Variants in PLCB4 observed in about 807,000 individuals in gnomAD.
The protein encoded by PLCB4 is phospholipase C beta 4, also known as 1-phosphatidylinositol 4,5-bisphosphate phosphodiesterase beta-4.
A neutral mutation model predicts 178.8 loss-of-function variants in PLCB4; 77 were observed. The observed-to-expected ratio is 0.43, with a 90% CI of 0.36 to 0.52. The LOEUF (loss-of-function observed/expected upper bound fraction) is 0.52. Ranked by LOEUF, PLCB4 falls within the 20% of genes least tolerant of loss-of-function variation. The probability of loss-of-function intolerance (pLI) is 0.00; values close to 1 mark genes in which losing one functional copy is unlikely to be tolerated. For synonymous variants in PLCB4, 496 were observed against 490.8 expected (o/e 1.01, Z -0.14); for missense variants, 1,024 against 1,453.4 (o/e 0.70, Z 4.80).
At chr20:9,269,523 G>GA in intron 3 of PLCB4, among the ~76,000 whole-genome samples, 1 of 152,254 alleles carries the variant, frequency 6.6e-6, no homozygotes, top group East Asian at 1.9e-4. Context: ...GAGTGCTACT[G>GA]AAAAATCTGG....
chr20:9,114,138 C>T lies in PLCB4; in HGVS notation c.-79+17796C>T, dbSNP rs549224930. ...CTGATGCAGGAGAATTGCTTGAACC[C>T]GGGAGGCAGAGGTTGTAGTGAGCTG... On this transcript the variant is annotated intron_variant, in intron 2 of 39. Coordinates refer to ENST00000378473, the MANE Select transcript of PLCB4 (RefSeq NM_001377142.1). Among the ~76,000 whole-genome samples, 19 of 152,128 alleles carry T rather than the reference C, an allele frequency of 1.2e-4. No individual in the cohort carries two copies. In the South Asian group the frequency reaches 1.9e-3, roughly 15 times the overall value.
intron 3 of PLCB4, among the ~76,000 whole-genome samples, chr20:9,279,963 C>T (rs571317003): frequency 6.6e-6 from 1 of 152,170 alleles, no homozygotes; most frequent in Admixed American, 6.5e-5. Flanking sequence ...GTTGACTTTA[C>T]CCCACCCTAT....
chr20:9,446,908 A>G (rs1022408698), intron 32 of PLCB4, among the ~76,000 whole-genome samples: 2 of 152,186 alleles, frequency 1.3e-5, no homozygotes, highest in Non-Finnish European at 2.9e-5. Flanking sequence ...AAACAACAAC[A>G]ACAACAACAA....
At chr20:9,473,131 A>T in intron 37 of PLCB4, 148 bp from the exon 38 acceptor site, 2 of 551,358 alleles carry the variant, frequency 3.6e-6, no homozygotes, top group South Asian at 6.3e-5. Flanking sequence ...AATAATTATG[A>T]GTTTAAACTC....
At chr20:9,267,014 G>A (rs977500090) in intron 3 of PLCB4, among the ~76,000 whole-genome samples, 1 of 152,146 alleles carries the variant, frequency 6.6e-6, no homozygotes, top group Non-Finnish European at 1.5e-5. Context: ...ATAGAACAGA[G>A]CAAGTTTATG....
At chr20:9,456,903 G>T (rs965822774) in intron 33 of PLCB4, among the ~76,000 whole-genome samples, 1 of 152,144 alleles carries the variant, frequency 6.6e-6, no homozygotes, top group Non-Finnish European at 1.5e-5. Flanking sequence ...AGTAATAGTT[G>T]CTGGGCACTC....
chr20:9,452,965 G>A (rs1190624999), intron 32 of PLCB4, among the ~76,000 whole-genome samples: 3 of 152,180 alleles, frequency 2.0e-5, no homozygotes, highest in Non-Finnish European at 4.4e-5. Context: ...GCATGTTTGA[G>A]GACCAATGTG....
intron 2 of PLCB4, among the ~76,000 whole-genome samples, chr20:9,151,260 T>C (rs1323684597): frequency 6.6e-6 from 1 of 152,180 alleles, no homozygotes. Flanking sequence ...TATACAAATA[T>C]TATGCCATTT....
At chr20:9,456,786 G>A (rs1476582487) in intron 33 of PLCB4, among the ~76,000 whole-genome samples, 1 of 152,170 alleles carries the variant, frequency 6.6e-6, no homozygotes, top group Non-Finnish European at 1.5e-5. Context: ...TCTGACTTGA[G>A]CTATAATAAC....
chr20:9,435,398 G>A (rs939683810), intron 28 of PLCB4, among the ~76,000 whole-genome samples, 162 bp from the exon 29 acceptor site: 2 of 152,206 alleles, frequency 1.3e-5, no homozygotes, highest in Non-Finnish European at 2.9e-5. Flanking sequence ...CTTGTTTTCT[G>A]CAACTAGCTG....
chr20:9,092,869 C>T (rs2090745127), intron 1 of PLCB4, among the ~76,000 whole-genome samples: 1 of 152,120 alleles, frequency 6.6e-6, no homozygotes, highest in Non-Finnish European at 1.5e-5. Context: ...TCTCTTGTAT[C>T]TCATTGGTCA....
At chr20:9,203,040 T>TAAA (rs58109957) in intron 2 of PLCB4, among the ~76,000 whole-genome samples, 24 of 111,510 alleles carry the variant, frequency 2.2e-4, no homozygotes, top group African/African-American at 7.6e-4. Flanking sequence ...TTGTCTTTGG[T>TAAA]AAAAAAAAAA....
At chr20:9,239,597 G>A (rs553013996) in intron 3 of PLCB4, among the ~76,000 whole-genome samples, 3 of 152,258 alleles carry the variant, frequency 2.0e-5, no homozygotes, top group East Asian at 1.9e-4. Flanking sequence ...GGAAGGGTAC[G>A]CTATCATCGT....
intron 1 of PLCB4, among the ~76,000 whole-genome samples, chr20:9,088,898 A>C (rs906480863): frequency 6.6e-6 from 1 of 152,066 alleles, no homozygotes; most frequent in Non-Finnish European, 1.5e-5. Flanking sequence ...ATACTTTTGC[A>C]TATATATGCA....
chr20:9,421,363 T>C lies in PLCB4; in HGVS notation c.2221T>C (p.Leu741=), dbSNP rs1230617908. ...CTACGTAGAGGTGGATATGTATGGG[T>C]TGCCCACTGACACCATACGTAAGGA... ...GTYVEVDMYG[L]PTDTIRKEFR... The change falls in exon 27 of 40, where the codon TTG becomes CTG. Residue 741 remains leucine, a synonymous_variant. Transcript: ENST00000378473. 6.2e-7 allele frequency: 1 copy of C among 1,612,836 alleles called. No individual in the cohort carries two copies. The highest frequency in any genetic ancestry group is 8.5e-7 in the Non-Finnish European group (1 of 1,178,958).
At chr20:9,321,866 T>G (rs1290599076) in intron 4 of PLCB4, among the ~76,000 whole-genome samples, 2 of 152,010 alleles carry the variant, frequency 1.3e-5, no homozygotes, top group Non-Finnish European at 2.9e-5. Context: ...ACTTTTGACC[T>G]CATGATCTGC....
chr20:9,458,151 G>T (rs2043169947), intron 34 of PLCB4, among the ~76,000 whole-genome samples: 1 of 152,144 alleles, frequency 6.6e-6, no homozygotes, highest in Non-Finnish European at 1.5e-5. Context: ...AAAAATAGCT[G>T]TGGTTGAACC....
At chr20:9,233,106 A>T (rs2093951576) in intron 3 of PLCB4, among the ~76,000 whole-genome samples, 1 of 152,152 alleles carries the variant, frequency 6.6e-6, no homozygotes, top group African/African-American at 2.4e-5. Flanking sequence ...GCCAAATCAT[A>T]GTCTAGTTGA....
At chr20:9,276,948 G>T (rs2094455592) in intron 3 of PLCB4, among the ~76,000 whole-genome samples, 1 of 151,974 alleles carries the variant, frequency 6.6e-6, no homozygotes, top group Non-Finnish European at 1.5e-5. Context: ...AAAAGAAAAA[G>T]AAAAAGAAAT....
Sources: gnomAD v4.1 joint callset for allele counts (sites outside exome capture counted in the v4.1 genomes callset) on GRCh38, gnomAD v4.1.1 for gene constraint, MANE v1.5 for transcripts, NCBI Gene and HGNC (gene_info 2026-07-23, HGNC 2026-07-21) for gene names.